The following CSMD2 variants were observed in gnomAD, a reference collection of about 807,000 sequenced individuals.
CSMD2 encodes the protein CUB and sushi domain-containing protein 2.
A neutral mutation model predicts 398.5 loss-of-function variants in CSMD2; 130 were observed. That is an observed-to-expected ratio of 0.33 (90% confidence interval 0.28 to 0.38). The LOEUF (loss-of-function observed/expected upper bound fraction) is 0.38, where lower values mean the gene tolerates loss of function less well. Among genes scored for constraint, CSMD2 ranks in the 10% least tolerant of loss-of-function variants. The pLI, the probability that CSMD2 is intolerant of heterozygous loss-of-function variation, is 1.00. For missense variants in CSMD2, 3,829 were observed against 4,764.9 expected (o/e 0.80, Z 5.78); for synonymous variants, 1,828 against 1,908.5 (o/e 0.96, Z 1.10).
intron 25 of CSMD2, among the ~76,000 whole-genome samples, chr1:33,679,350 T>C (rs1172652726): frequency 6.6e-6 from 1 of 152,038 alleles, no homozygotes; most frequent in Non-Finnish European, 1.5e-5. Context: ...TACAGGCTCA[T>C]GCCACCACAT....
intron 5 of CSMD2, among the ~76,000 whole-genome samples, chr1:33,871,246 T>C (rs1640437779): frequency 6.6e-6 from 1 of 152,166 alleles, no homozygotes; most frequent in Non-Finnish European, 1.5e-5. Context: ...AAATGTGAGA[T>C]AGCTTTGGAA....
In CSMD2 at chr1:33,726,509, C is replaced by T. The variant is rs1217729406; in HGVS notation, c.2507+38G>A. ...TCCCACGTGGCTCTGTAAAAATCTC[C>T]CCCTTGCCCTCTCCCCCAAGGCTGT... On this transcript the variant is annotated intron_variant, in intron 16 of 70. Transcript: ENST00000373381. The T allele has an allele frequency of 1.9e-6, 3 of 1,574,072 alleles. No homozygotes were observed. The Admixed American group carries it at 5.3e-5, about 28-fold the overall frequency.
At chr1:33,517,686 T>C (rs1034482626) in intron 70 of CSMD2, among the ~76,000 whole-genome samples, 3 of 152,172 alleles carry the variant, frequency 2.0e-5, no homozygotes, top group Admixed American at 1.3e-4. Context: ...TATTTAAATG[T>C]TTGTTTTGGA....
chr1:33,862,052 G>A (rs1639560863), intron 5 of CSMD2: 1 of 152,300 alleles, frequency 6.6e-6, no homozygotes, highest in African/African-American at 2.4e-5. Context: ...TTGAAGAGAG[G>A]TTGGAGAAGG....
At chr1:34,138,765 T>C (rs1638999006) in intron 1 of CSMD2, among the ~76,000 whole-genome samples, 1 of 152,222 alleles carries the variant, frequency 6.6e-6, no homozygotes, top group Non-Finnish European at 1.5e-5. Context: ...ACAGGCAGTT[T>C]ATTGAAGTGC....
intron 26 of CSMD2, among the ~76,000 whole-genome samples, chr1:33,661,459 T>C (rs1236818455): frequency 6.6e-6 from 1 of 152,168 alleles, no homozygotes; most frequent in Non-Finnish European, 1.5e-5. Context: ...CTACCAGACA[T>C]CTTTTGAATT....
chr1:34,139,946 G>A (rs1296088668), intron 1 of CSMD2, among the ~76,000 whole-genome samples: 4 of 152,112 alleles, frequency 2.6e-5, no homozygotes, highest in African/African-American at 9.7e-5. Context: ...CTAGAGTTGT[G>A]CATGTCATTT....
At chr1:33,543,378 A>G (rs1051971569) in intron 57 of CSMD2, among the ~76,000 whole-genome samples, 15 of 152,206 alleles carry the variant, frequency 9.9e-5, no homozygotes, top group African/African-American at 3.6e-4. Context: ...AGAACTTCAC[A>G]CTTTCTGGAT....
At chr1:33,971,487 G>A (rs994438191) in intron 3 of CSMD2, among the ~76,000 whole-genome samples, 15 of 152,254 alleles carry the variant, frequency 9.9e-5, no homozygotes, top group Admixed American at 7.8e-4. Flanking sequence ...GATCCTGGTT[G>A]CTTCAGCTTT....
At chr1:33,905,291 A>G (rs76685901) in intron 5 of CSMD2, among the ~76,000 whole-genome samples, 3,402 of 152,294 alleles carry the variant, frequency 0.022, 121 homozygotes, top group African/African-American at 0.076. Context: ...GTCCAAGCAT[A>G]AAGGCTGGAC....
intron 3 of CSMD2, among the ~76,000 whole-genome samples, chr1:33,993,683 A>G (rs1189713426): frequency 2.6e-5 from 4 of 152,130 alleles, no homozygotes; most frequent in African/African-American, 9.7e-5. Context: ...TGTCTCTCAT[A>G]ATTCATAACT....
chr1:33,906,407 T>C (rs545788617), intron 5 of CSMD2, among the ~76,000 whole-genome samples: 3 of 152,296 alleles, frequency 2.0e-5, no homozygotes, highest in South Asian at 2.1e-4. Flanking sequence ...GGAGGATGAA[T>C]TGGACAGTGC....
intron 3 of CSMD2, among the ~76,000 whole-genome samples, chr1:33,969,054 T>C (rs1046820400): frequency 2.0e-5 from 3 of 152,188 alleles, no homozygotes; most frequent in African/African-American, 7.2e-5. Flanking sequence ...ACTCCCAGCG[T>C]TGTTCACTTA....
chr1:34,035,131 C>T (rs918648226), intron 2 of CSMD2, among the ~76,000 whole-genome samples: 3 of 152,152 alleles, frequency 2.0e-5, no homozygotes, highest in Admixed American at 6.5e-5. Flanking sequence ...TGGGCACAAA[C>T]TTGAAAAGCA....
rs569915362 is a variant in CSMD2 at position 33,599,909 on chromosome 1, A to T, written c.6856+956T>A. 10 of 516,506 alleles carry T rather than the reference A, an allele frequency of 1.9e-5. No individual in the cohort carries two copies. The East Asian group carries it at 2.8e-4, about 14-fold the overall frequency. 32.0% of individuals were successfully genotyped at this position (516,506 alleles called of 1,614,324 possible). On this transcript the variant is annotated intron_variant, in intron 44 of 70. Transcript: ENST00000373381. ...TGCACGCATGATGTAATAACACTGT[A>T]TAGTCACACCAGAGCAGATACTGTA...
At chr1:34,033,364 T>A (rs1166305526) in intron 2 of CSMD2, among the ~76,000 whole-genome samples, 1 of 152,226 alleles carries the variant, frequency 6.6e-6, no homozygotes, top group Non-Finnish European at 1.5e-5. Context: ...ATGTTTAAAT[T>A]TTCTTTCTGG....
chr1:34,127,576 T>A (rs1248306333), intron 1 of CSMD2, among the ~76,000 whole-genome samples: 2 of 152,114 alleles, frequency 1.3e-5, no homozygotes, highest in Non-Finnish European at 2.9e-5. Context: ...ATGGTCTGCC[T>A]GTTCTCAGTG....
chr1:33,636,448 GC>G lies in CSMD2; in HGVS notation c.4880del (p.Gly1627AlafsTer10). On this transcript the variant is annotated frameshift_variant, in exon 30 of 71. Transcript: ENST00000373381. LOFTEE classifies it high-confidence loss of function. The surrounding 1 kb of genome is among the most constrained non-coding windows in gnomAD (Gnocchi z 4.8). ...GSSVTYYCHGGYEVEGTSTLS... is the reference protein window; with the variant it reads ...GSSVTYYCHGXYEVEGTSTLS... Reference sequence around the variant, plus strand: ...GGGTCGAGGTGCCCTCAACTTCGTAGCCCCCGTGGCAGTAGTAGGTGACGGA... The same window carrying G: ...GGGTCGAGGTGCCCTCAACTTCGTAGCCCCGTGGCAGTAGTAGGTGACGGA... The G allele has an allele frequency of 6.2e-7, 1 of 1,614,180 alleles. No homozygotes were observed.
At chr1:33,628,481 C>A (rs889265615) in intron 32 of CSMD2, among the ~76,000 whole-genome samples, 5 of 151,934 alleles carry the variant, frequency 3.3e-5, no homozygotes, top group African/African-American at 1.2e-4. Context: ...CCAGCCTGAC[C>A]AACATGGTGA....
Sources: gnomAD v4.1 joint callset for allele counts (sites outside exome capture counted in the v4.1 genomes callset) on GRCh38, gnomAD v4.1.1 for gene constraint, Gnocchi (gnomAD v3.1) non-coding constraint, MANE v1.5 for transcripts, NCBI Gene and HGNC (gene_info 2026-07-23, HGNC 2026-07-21) for gene names.